Variants in RCOR2 observed in about 807,000 individuals in gnomAD.
The protein encoded by RCOR2 is REST corepressor 2.
Under a neutral mutation model 58.9 loss-of-function variants are expected in RCOR2, and 19 were observed. The ratio of observed to expected loss-of-function variants is 0.32; its 90% CI spans 0.23 to 0.47. The LOEUF (loss-of-function observed/expected upper bound fraction) is 0.47, where lower values mean the gene tolerates loss of function less well. RCOR2 is among the 20% of genes least tolerant of loss of function. The probability of loss-of-function intolerance (pLI) is 1.00; values close to 1 mark genes in which losing one functional copy is unlikely to be tolerated. For missense variants in RCOR2, 590 were observed against 707.9 expected, an observed-to-expected ratio of 0.83 and a Z score of 1.89; for synonymous variants, 286 against 278.7, an observed-to-expected ratio of 1.03 and a Z score of -0.26.
At chr11:63,917,405 C>T (rs891588769), upstream of RCOR2, among the ~76,000 whole-genome samples, 8 of 152,098 alleles carry the variant, frequency 5.3e-5, no homozygotes, top group Admixed American at 4.6e-4. Flanking sequence ...GACCCCACTG[C>T]CCCCCAGGAG....
intron 3 of RCOR2, 38 bp downstream of exon 3, chr11:63,915,140 A>C: frequency 6.5e-7 from 1 of 1,536,936 alleles, no homozygotes; most frequent in Non-Finnish European, 8.8e-7. Context: ...GCTGGGATGA[A>C]CCCAAGCCCC....
upstream of RCOR2, among the ~76,000 whole-genome samples, chr11:63,917,235 C>T (rs1941872940): frequency 6.8e-6 from 1 of 146,224 alleles, no homozygotes; most frequent in South Asian, 2.3e-4. Context: ...CCTCCGCCAG[C>T]TGAACATCTG....
chr11:63,912,789 C>T (rs1163849090), intron 9 of RCOR2, 56 bp from the exon 10 acceptor site: 1 of 1,608,422 alleles, frequency 6.2e-7, no homozygotes, highest in Non-Finnish European at 8.5e-7. Context: ...AATGGAAGCC[C>T]TGCTCCCCAA....
upstream of RCOR2, among the ~76,000 whole-genome samples, chr11:63,920,390 C>CG (rs1941908443): frequency 6.6e-6 from 1 of 152,156 alleles, no homozygotes; most frequent in Non-Finnish European, 1.5e-5. Context: ...CTCCCGCAGG[C>CG]GGGGGCAGCT....
intron 10 of RCOR2, 57 bp from the exon 11 acceptor site, chr11:63,912,591 G>C: frequency 6.3e-7 from 1 of 1,589,440 alleles, no homozygotes; most frequent in Non-Finnish European, 8.6e-7. Context: ...TTACTTCCCT[G>C]ACCCTTCCCC....
upstream of RCOR2, among the ~76,000 whole-genome samples, chr11:63,920,598 C>T (rs552480922): frequency 7.2e-5 from 11 of 152,134 alleles, no homozygotes; most frequent in Admixed American, 2.6e-4. Flanking sequence ...TGGTGGGATC[C>T]GAGCCAAAAC....
chr11:63,917,044 G>T lies in RCOR2; in HGVS notation c.-588C>A, dbSNP rs1163633567. Among the ~76,000 whole-genome samples the T allele has an allele frequency of 6.7e-6, 1 of 148,710 alleles. No homozygotes were observed. Among genetic ancestry groups the T allele is most frequent in the African/African-American group, 2.4e-5 (1 of 41,078 alleles). On this transcript the variant is annotated 5_prime_UTR_variant, in exon 1 of 12. Transcript: ENST00000301459. ...CGCTGGGCAGAGTTGCCGGGAGGCG[G>T]GCGGAGCGCAGCCGCGGGTGCCGCC...
chr11:63,924,068 C>T, the RCOR2 span, among the ~76,000 whole-genome samples: 5 of 152,100 alleles, frequency 3.3e-5, no homozygotes, highest in Non-Finnish European at 7.3e-5. Context: ...GCTACCACGC[C>T]CGGCTAATTT....
In RCOR2 at chr11:63,916,333, G is replaced by A. The variant is rs1260169640; in HGVS notation, c.124C>T (p.His42Tyr). ...EDDSSEEEHS[H>Y]DSMIRVGTNY... ...AACCCTAGGCCACCGGGCTCACCGT[G>A]CGAGTGCTCCTCCTCGCTGCTGTCA... is the stretch of plus-strand genomic sequence containing the variant. Residue 42 changes from histidine to tyrosine, a missense_variant, in exon 1 of 12, where the codon CAC (histidine) becomes TAC (tyrosine). Physicochemically the swap from His to Tyr is moderately conservative, Grantham distance 83. Coordinates refer to ENST00000301459, the MANE Select transcript of RCOR2 (RefSeq NM_173587.4). 17 of 1,604,122 alleles carry A rather than the reference G, an allele frequency of 1.1e-5. No individual in the cohort carries two copies. The highest frequency in any genetic ancestry group is 1.3e-5 in the African/African-American group (1 of 74,872).
intron 4 of RCOR2, 27 bp downstream of exon 4, chr11:63,914,875 C>T (rs781297572): frequency 1.2e-6 from 2 of 1,612,520 alleles, no homozygotes; most frequent in Admixed American, 3.3e-5. Context: ...CCACCCCATT[C>T]CCAAGTCCCT....
At position 63,911,938 on chromosome 11, in the gene RCOR2, C is replaced by T. The variant is rs1319940283; in HGVS notation, c.1499G>A (p.Ser500Asn). 8.3e-7 allele frequency: 1 copy of T among 1,201,066 alleles called. No homozygotes were observed. The highest frequency in any genetic ancestry group is 2.9e-5 in the East Asian group (1 of 33,926). 74.4% of individuals were successfully genotyped at this position (1,201,066 alleles called of 1,614,324 possible). A position where few individuals can be genotyped will look rare whatever the true frequency, so the allele number is the denominator to read the frequency against. ...TGGGGGCTGAGGGCCAGGGCGGGCG[C>T]TGTGGCGGGGGGCAGCCAGAGCGGG... The part of the protein sequence containing the change: ...IRPALAAPRH[S>N]ARPGPQPPPT... Residue 500 changes from serine to asparagine, a missense_variant, in exon 12 of 12, where the codon AGC (serine) becomes AAC (asparagine). Ser to Asn is a conservative substitution (Grantham distance 46). Around this residue, in one of 3 missense-constraint regions of RCOR2, gnomAD observed 196 missense variants for 210.7 expected, o/e 0.93. Transcript: ENST00000301459.
chr11:63,914,920 A>G lies in RCOR2; in HGVS notation c.300T>C (p.His100=), dbSNP rs1381947758. Reference sequence around the variant, plus strand: ...GGCTCACCTGCTCAATGTTGTAGCCATGCTTCTCCTTGGCCATCGCAATGT... The same window carrying G: ...GGCTCACCTGCTCAATGTTGTAGCCGTGCTTCTCCTTGGCCATCGCAATGT... The part of the protein sequence containing the change: ...DKYIAMAKEK[H]GYNIEQALGM... Residue 100 remains histidine (H), a synonymous_variant, in exon 4 of 12, where the codon CAT becomes CAC. Transcript: ENST00000301459. 1 of 1,613,894 alleles carries G rather than the reference A, an allele frequency of 6.2e-7. No homozygotes were observed. The highest frequency in any genetic ancestry group is 8.5e-7 in the Non-Finnish European group (1 of 1,180,004).
rs1463489109 is a variant in RCOR2, at chr11:63,913,181, TA to T, written c.892-235del. 3.0e-3 allele frequency among the ~76,000 whole-genome samples: 304 copies of T among 100,426 alleles called. 3 individuals are homozygous for T. The highest frequency in any genetic ancestry group is 9.6e-3 in the African/African-American group (221 of 23,080). 65.9% of individuals were successfully genotyped at this position (100,426 alleles called of 152,430 possible). ...TATTTTTTATATATATATATATATATATATTTTTTTTTTTTTTTTTTTGAGA... is the reference window on the plus strand; with the variant it reads ...TATTTTTTATATATATATATATATATTATTTTTTTTTTTTTTTTTTTGAGA... On this transcript the variant is annotated intron_variant, in intron 8 of 11. Coordinates refer to ENST00000301459, the MANE Select transcript of RCOR2 (RefSeq NM_173587.4).
chr11:63,923,298 AC>A, the RCOR2 span, among the ~76,000 whole-genome samples: 24 of 151,146 alleles, frequency 1.6e-4, no homozygotes, highest in East Asian at 4.5e-3. Flanking sequence ...CATCCTAAAC[AC>A]ACACACACCC....
chr11:63,912,972 A>C, intron 8 of RCOR2, 25 bp from the exon 9 acceptor site: 1 of 1,602,138 alleles, frequency 6.2e-7, no homozygotes, highest in Non-Finnish European at 8.5e-7. Context: ...AAGTGGAGGA[A>C]TATCAGACTC....
Position 63,916,477 on chromosome 11 carries a change from G to A in RCOR2, c.-21C>T. On this transcript the variant is annotated 5_prime_UTR_variant, in exon 1 of 12. Coordinates refer to ENST00000301459, the MANE Select transcript of RCOR2 (RefSeq NM_173587.4). The stretch of plus-strand genomic sequence containing the variant: ...GGCATTACCCCGCCCAGCTGCCCCG[G>A]GGGGCGCAGGAGCCTTCGGAGAGCG... The A allele has an allele frequency of 1.2e-6, 2 of 1,601,236 alleles. No individual in the cohort carries two copies. The highest frequency in any genetic ancestry group is 1.7e-6 in the Non-Finnish European group (2 of 1,175,336).
intron 1 of RCOR2, 66 bp downstream of exon 1, chr11:63,916,264 C>G (rs894178941): frequency 1.4e-6 from 2 of 1,380,396 alleles, no homozygotes; most frequent in South Asian, 1.3e-5. Flanking sequence ...TGCAACTCTT[C>G]CCCCTCCCGC....
chr11:63,914,697 G>A lies in RCOR2; in HGVS notation c.438C>T (p.Ala146=), dbSNP rs1941831316. The A allele has an allele frequency of 4.3e-6, 7 of 1,611,880 alleles. No homozygotes were observed. Among genetic ancestry groups the A allele is most frequent in the South Asian group, 2.2e-5 (2 of 90,878 alleles). ...TVEDKVLFEQ[A]FGFHGKCFQR... is the part of the protein sequence containing the mutation. ...GGAAGCATTTGCCATGGAAGCCAAAGGCCTGTTCAAACAGCACCTTGTCCT... is the reference window on the plus strand; with the variant it reads ...GGAAGCATTTGCCATGGAAGCCAAAAGCCTGTTCAAACAGCACCTTGTCCT... Residue 146 remains alanine (A), a synonymous_variant, in exon 5 of 12, where the codon GCC becomes GCT. Coordinates refer to ENST00000301459, the MANE Select transcript of RCOR2 (RefSeq NM_173587.4).
Position 63,911,727 on chromosome 11 carries a change from G to C in RCOR2, c.*138C>G. On this transcript the variant is annotated 3_prime_UTR_variant, in exon 12 of 12. Transcript: ENST00000301459. ...ACACATGCAGAACCCAAAGGGCGGG[G>C]CTGGGCTGTCCGAAACTCTGGTCTT... The C allele has an allele frequency of 7.6e-7, 1 of 1,324,188 alleles. No individual in the cohort carries two copies. Among genetic ancestry groups the C allele is most frequent in the Non-Finnish European group, 9.7e-7 (1 of 1,027,640 alleles). The allele number at this position is 1,324,188 out of a possible 1,614,324, so 82.0% of individuals were successfully genotyped here. A position where few individuals can be genotyped will look rare whatever the true frequency, so the allele number is the denominator to read the frequency against.
Sources: gnomAD v4.1 joint callset for allele counts (sites outside exome capture counted in the v4.1 genomes callset) on GRCh38, gnomAD v4.1.1 for gene constraint, gnomAD v4.1.1 regional missense constraint, MANE v1.5 for transcripts, NCBI Gene and HGNC (gene_info 2026-07-23, HGNC 2026-07-21) for gene names.